The following PLXDC2 variants were observed in gnomAD, a reference collection of about 807,000 sequenced individuals.
PLXDC2 encodes the protein plexin domain-containing protein 2.
A neutral mutation model predicts 68.9 loss-of-function variants in PLXDC2; 40 were observed. That is an observed-to-expected ratio of 0.58 (90% CI 0.45 to 0.76). The LOEUF (loss-of-function observed/expected upper bound fraction) is 0.76, where lower values mean the gene tolerates loss of function less well. Ranked by LOEUF, PLXDC2 falls within the 30% of genes least tolerant of loss-of-function variation. The pLI is 0.00. For missense variants in PLXDC2, 644 were observed against 661.9 expected (o/e 0.97, Z 0.30); for synonymous variants, 243 against 234.2 (o/e 1.04, Z -0.34).
chr10:19,868,953 C>T (rs1306590257), intron 1 of PLXDC2, among the ~76,000 whole-genome samples: 1 of 152,104 alleles, frequency 6.6e-6, no homozygotes, highest in Non-Finnish European at 1.5e-5. Flanking sequence ...TGATTATACC[C>T]TCGGTGATAA....
chr10:19,833,510 AAGG>A (rs1303135972), intron 1 of PLXDC2, among the ~76,000 whole-genome samples: 4 of 152,230 alleles, frequency 2.6e-5, no homozygotes, highest in Non-Finnish European at 4.4e-5. Flanking sequence ...AAGAACACTC[AAGG>A]AGTTTATTTT....
chr10:20,095,744 G>A lies in PLXDC2; in HGVS notation c.541+27505G>A, dbSNP rs139087126. Among the ~76,000 whole-genome samples the A allele has an allele frequency of 3.6e-3, 550 of 152,260 alleles. 2 individuals are homozygous for A. The highest frequency in any genetic ancestry group is 0.013 in the African/African-American group (520 of 41,566). On this transcript the variant is annotated intron_variant, in intron 4 of 13. Transcript: ENST00000377252. Reference sequence around the variant, plus strand: ...ATTTTAGGCAGACGAGTTGTGAGGTGTGATTAATGTTTTAGATGGATGATC... The same window carrying A: ...ATTTTAGGCAGACGAGTTGTGAGGTATGATTAATGTTTTAGATGGATGATC...
chr10:20,158,811 G>C (rs1834252957), intron 6 of PLXDC2, among the ~76,000 whole-genome samples: 1 of 152,116 alleles, frequency 6.6e-6, no homozygotes, highest in African/African-American at 2.4e-5. Context: ...CAGGTGTGGA[G>C]AGGCAGACAT....
chr10:20,149,958 T>C (rs773715762), intron 6 of PLXDC2, among the ~76,000 whole-genome samples: 3 of 152,184 alleles, frequency 2.0e-5, no homozygotes, highest in Non-Finnish European at 2.9e-5. Flanking sequence ...AGAGTAGTTT[T>C]AGATTCACAG....
At chr10:20,247,704 T>C (rs883637) in intron 13 of PLXDC2, among the ~76,000 whole-genome samples, 133,462 of 152,158 alleles carry the variant, frequency 0.88, 59,037 homozygotes, top group Middle Eastern at 0.95. Flanking sequence ...TGATTTATTC[T>C]GCCCTGCAAG....
intron 2 of PLXDC2, among the ~76,000 whole-genome samples, chr10:20,044,610 T>A (rs529461569): frequency 6.6e-6 from 1 of 151,816 alleles, no homozygotes; most frequent in Non-Finnish European, 1.5e-5. Context: ...GCGTCCAGCC[T>A]GCAATTCTTT....
In PLXDC2 at chr10:20,284,312, C is replaced by CATATATATATATACATATATATATATAT. The variant is rs1348129132; in HGVS notation, c.*4506_*4507insCATATATATATATATATATATATATATA. On this transcript the variant is annotated 3_prime_UTR_variant, in exon 14 of 14. Transcript: ENST00000377252. ...GTGAGACCCATCTCTATCAAATATA[C>CATATATATATATACATATATATATATAT]ATATATATATATATATATACACACA... 8.0e-6 allele frequency: 1 copy of CATATATATATATACATATATATATATAT among 125,316 alleles called. No homozygotes were observed. The highest frequency in any genetic ancestry group is 3.2e-5 in the African/African-American group (1 of 31,456). 7.8% of individuals were successfully genotyped at this position (125,316 alleles called of 1,614,324 possible).
At chr10:19,921,435 C>A (rs2131381086) in intron 1 of PLXDC2, among the ~76,000 whole-genome samples, 1 of 152,302 alleles carries the variant, frequency 6.6e-6, no homozygotes, top group South Asian at 2.1e-4. Flanking sequence ...AACCTCCCTT[C>A]TTCTGGAAAG....
chr10:20,208,715 CGGG>C (rs1409888845), intron 9 of PLXDC2, among the ~76,000 whole-genome samples: 1 of 151,960 alleles, frequency 6.6e-6, no homozygotes, highest in African/African-American at 2.4e-5. Context: ...ACATAAGTAT[CGGG>C]GGAAATTCAG....
At chr10:19,893,612 A>G (rs1476972752) in intron 1 of PLXDC2, among the ~76,000 whole-genome samples, 1 of 152,256 alleles carries the variant, frequency 6.6e-6, no homozygotes, top group Admixed American at 6.5e-5. Flanking sequence ...TGTGACCAAT[A>G]TAATAATGGC....
chr10:19,913,233 C>T (rs975804922), intron 1 of PLXDC2, among the ~76,000 whole-genome samples: 2 of 152,030 alleles, frequency 1.3e-5, no homozygotes, highest in African/African-American at 2.4e-5. Context: ...GGATTTCTCC[C>T]TTTGCTGCTG....
chr10:20,024,803 AG>A (rs1429223011), intron 2 of PLXDC2, among the ~76,000 whole-genome samples: 1 of 152,054 alleles, frequency 6.6e-6, no homozygotes, highest in Non-Finnish European at 1.5e-5. Context: ...CCTACTTATA[AG>A]TGAGAACATG....
intron 2 of PLXDC2, among the ~76,000 whole-genome samples, chr10:20,006,724 T>A (rs1397530041): frequency 6.6e-6 from 1 of 152,256 alleles, no homozygotes; most frequent in Non-Finnish European, 1.5e-5. Flanking sequence ...ATGGAAGGAT[T>A]GTAAAACTTG....
intron 6 of PLXDC2, among the ~76,000 whole-genome samples, chr10:20,163,098 A>T (rs1315131920): frequency 6.6e-6 from 1 of 151,994 alleles, no homozygotes; most frequent in African/African-American, 2.4e-5. Flanking sequence ...CTTGGATATA[A>T]ATTTTGATTT....
intron 13 of PLXDC2, 135 bp from the exon 14 acceptor site, chr10:20,279,568 C>A (rs1836053716): frequency 2.9e-6 from 2 of 698,230 alleles, no homozygotes; most frequent in Non-Finnish European, 4.8e-6. Flanking sequence ...TTAATTCTGA[C>A]TGTAGCTATA....
At chr10:20,237,613 G>C (rs1202482699) in intron 12 of PLXDC2, among the ~76,000 whole-genome samples, 2 of 152,096 alleles carry the variant, frequency 1.3e-5, no homozygotes, top group African/African-American at 2.4e-5. Context: ...CTTGTAAATG[G>C]GTTAGGTACT....
intron 4 of PLXDC2, among the ~76,000 whole-genome samples, chr10:20,122,709 T>C (rs1833716547): frequency 6.6e-6 from 1 of 152,210 alleles, no homozygotes; most frequent in Non-Finnish European, 1.5e-5. Flanking sequence ...GAGATGTGGC[T>C]GGGGTTTGTC....
intron 1 of PLXDC2, among the ~76,000 whole-genome samples, chr10:19,975,029 A>G (rs944629349): frequency 6.6e-6 from 1 of 152,176 alleles, no homozygotes; most frequent in Non-Finnish European, 1.5e-5. Flanking sequence ...CGGCTCTGTC[A>G]TGTCCCACTT....
chr10:20,072,569 G>A (rs1836354507), intron 4 of PLXDC2, among the ~76,000 whole-genome samples: 1 of 129,510 alleles, frequency 7.7e-6, no homozygotes, highest in East Asian at 2.3e-4. Flanking sequence ...AAGAAAGGAA[G>A]AAATCTAGAT....
Sources: allele counts gnomAD v4.1 joint callset (sites outside exome capture counted in the v4.1 genomes callset), GRCh38; gene constraint gnomAD v4.1.1; transcripts MANE v1.5; gene names NCBI Gene and HGNC (gene_info 2026-07-23, HGNC 2026-07-21).